PKN2: variants seen among roughly 807,000 people sequenced by gnomAD.
The protein encoded by PKN2 is protein kinase N2, also known as serine/threonine-protein kinase N2.
In PKN2, 38 loss-of-function variants were observed where a neutral mutation model predicts 119.1. The ratio of observed to expected loss-of-function variants is 0.32; its 90% CI spans 0.25 to 0.42. The LOEUF is 0.42. PKN2 is among the 10% of genes least tolerant of loss of function. The pLI is 1.00. For missense variants in PKN2, 850 were observed against 1,165.1 expected (o/e 0.73, Z 3.94); for synonymous variants, 390 against 384.9 (o/e 1.01, Z -0.15).
chr1:88,772,155 C>A (rs1669922264), intron 6 of PKN2, among the ~76,000 whole-genome samples: 1 of 152,186 alleles, frequency 6.6e-6, no homozygotes, highest in African/African-American at 2.4e-5. Flanking sequence ...CCCCATTCCC[C>A]CTTCCTCCCA....
At chr1:88,783,831 C>G (rs1670453488) in intron 6 of PKN2, among the ~76,000 whole-genome samples, 1 of 151,964 alleles carries the variant, frequency 6.6e-6, no homozygotes, top group South Asian at 2.1e-4. Context: ...TAATTACAAC[C>G]CATGATTTTT....
chr1:88,770,048 A>G (rs1382943576), intron 3 of PKN2, among the ~76,000 whole-genome samples: 3 of 152,222 alleles, frequency 2.0e-5, no homozygotes, highest in Non-Finnish European at 2.9e-5. Context: ...TATGCATACC[A>G]AAACATCATG....
At chr1:88,784,878 G>T in intron 7 of PKN2, 54 bp downstream of exon 7, 1 of 1,086,628 alleles carries the variant, frequency 9.2e-7, no homozygotes, top group South Asian at 1.7e-5. Flanking sequence ...GCTTATACAA[G>T]GGATTTATGA....
At chr1:88,776,470 T>C (rs965834337) in intron 6 of PKN2, among the ~76,000 whole-genome samples, 1 of 151,978 alleles carries the variant, frequency 6.6e-6, no homozygotes, top group Non-Finnish European at 1.5e-5. Context: ...CTAGGCACAG[T>C]GGCTCACACC....
intron 1 of PKN2, among the ~76,000 whole-genome samples, chr1:88,690,284 G>A (rs1666279225): frequency 6.6e-6 from 1 of 152,168 alleles, no homozygotes; most frequent in Non-Finnish European, 1.5e-5. Flanking sequence ...TCAGAAGCAT[G>A]TTTACTTTTA....
intron 1 of PKN2, among the ~76,000 whole-genome samples, chr1:88,686,912 A>G (rs930363518): frequency 3.3e-5 from 5 of 152,118 alleles, no homozygotes; most frequent in Non-Finnish European, 7.4e-5. Context: ...TCTCTGCCAT[A>G]CAGATTTTAA....
At chr1:88,787,293 C>A (rs901552262) in intron 8 of PKN2, among the ~76,000 whole-genome samples, 2 of 151,854 alleles carry the variant, frequency 1.3e-5, no homozygotes, top group Admixed American at 1.3e-4. Context: ...TGAGTAATAT[C>A]AAAATGAAAC....
chr1:88,779,218 T>C (rs1212148029), intron 6 of PKN2, among the ~76,000 whole-genome samples: 1 of 38,020 alleles, frequency 2.6e-5, no homozygotes, highest in African/African-American at 6.3e-5. Flanking sequence ...CAAAGGTAAG[T>C]GAAAACTCCA....
At chr1:88,784,539 A>C in intron 6 of PKN2, 100 bp from the exon 7 acceptor site, 1 of 612,038 alleles carries the variant, frequency 1.6e-6, no homozygotes, top group Non-Finnish European at 2.5e-6. Flanking sequence ...TTTTGTTACC[A>C]GATTTTTTTT....
chr1:88,808,044 A>G (rs1332735107), intron 15 of PKN2, among the ~76,000 whole-genome samples: 1 of 152,156 alleles, frequency 6.6e-6, no homozygotes, highest in Admixed American at 6.5e-5. Flanking sequence ...ATATGGAAAT[A>G]TTAAAGTGTT....
At chr1:88,770,586 T>C in intron 4 of PKN2, 117 bp downstream of exon 4, 5 of 630,208 alleles carry the variant, frequency 7.9e-6, no homozygotes, top group Middle Eastern at 3.5e-4. Flanking sequence ...ACTTTTTTTT[T>C]TTTTTCTTTT....
chr1:88,707,091 T>C (rs770233819), intron 1 of PKN2, among the ~76,000 whole-genome samples: 9 of 152,166 alleles, frequency 5.9e-5, no homozygotes, highest in Non-Finnish European at 7.4e-5. Flanking sequence ...TCTCCTCTCA[T>C]ACACTTTTTT....
intron 16 of PKN2, among the ~76,000 whole-genome samples, chr1:88,819,829 TAAA>T (rs576335924): frequency 6.6e-6 from 1 of 152,044 alleles, no homozygotes; most frequent in African/African-American, 2.4e-5. Flanking sequence ...TATACAGCCA[TAAA>T]AAATGATGAG....
intron 6 of PKN2, among the ~76,000 whole-genome samples, chr1:88,775,948 A>T (rs1670077463): frequency 6.6e-6 from 1 of 151,862 alleles, no homozygotes. Context: ...TACTAAAAAT[A>T]CAAAAAAAAA....
chr1:88,815,617 T>C (rs561363329), intron 16 of PKN2, among the ~76,000 whole-genome samples: 101 of 152,322 alleles, frequency 6.6e-4, no homozygotes, highest in Non-Finnish European at 1.1e-3. Context: ...ATTGAAACCA[T>C]AGAATCAAAA....
At chr1:88,754,106 G>T (rs561933212) in intron 2 of PKN2, among the ~76,000 whole-genome samples, 2 of 152,108 alleles carry the variant, frequency 1.3e-5, no homozygotes, top group East Asian at 3.9e-4. Context: ...GGTTGATTGG[G>T]TATCTTGAAT....
chr1:88,763,607 C>CAAAAAAA (rs34763457), intron 3 of PKN2, among the ~76,000 whole-genome samples: 10 of 103,388 alleles, frequency 9.7e-5, no homozygotes, highest in Admixed American at 1.1e-4. Flanking sequence ...AACTCCATCT[C>CAAAAAAA]AAAAAAAAAA....
At chr1:88,786,300 A>G in intron 8 of PKN2, 87 bp downstream of exon 8, 4 of 622,096 alleles carry the variant, frequency 6.4e-6, no homozygotes, top group Non-Finnish European at 5.5e-6. Context: ...AACAAGTTGT[A>G]TTCTTAACAA....
intron 1 of PKN2, among the ~76,000 whole-genome samples, chr1:88,719,443 C>T (rs1243300575): frequency 6.6e-6 from 1 of 152,168 alleles, no homozygotes; most frequent in Admixed American, 6.5e-5. Flanking sequence ...CTCCCTTGTT[C>T]TGTCTCTTCC....
Sources: allele counts gnomAD v4.1 joint callset (sites outside exome capture counted in the v4.1 genomes callset), GRCh38; gene constraint gnomAD v4.1.1; transcripts MANE v1.5; gene names NCBI Gene and HGNC (gene_info 2026-07-23, HGNC 2026-07-21).